The following GLCCI1 variants were observed in gnomAD, a reference collection of about 807,000 sequenced individuals.
GLCCI1 encodes the protein glucocorticoid induced 1.
In GLCCI1, 24 loss-of-function variants were observed where a neutral mutation model predicts 52.2. The ratio of observed to expected loss-of-function variants is 0.46; its 90% confidence interval spans 0.33 to 0.65. The LOEUF (loss-of-function observed/expected upper bound fraction) is 0.65, where lower values mean the gene tolerates loss of function less well. Among genes scored for constraint, GLCCI1 ranks in the 30% least tolerant of loss-of-function variants. The pLI is 0.02. For synonymous variants in GLCCI1, 310 were observed against 276.5 expected (o/e 1.12, Z -1.20); for missense variants, 704 against 701.5 (o/e 1.00, Z -0.04).
At chr7:7,983,256 TAGGG>T (rs1489446586) in intron 1 of GLCCI1, among the ~76,000 whole-genome samples, 2 of 152,060 alleles carry the variant, frequency 1.3e-5, no homozygotes, top group Non-Finnish European at 2.9e-5. Flanking sequence ...TTTTAGGAAA[TAGGG>T]AGGTATAGGA....
intron 1 of GLCCI1, among the ~76,000 whole-genome samples, chr7:7,972,323 ATGTGTGTG>A (rs140431128): frequency 2.0e-5 from 3 of 149,782 alleles, no homozygotes; most frequent in Admixed American, 6.7e-5. Context: ...ACTTCAGTGT[ATGTGTGTG>A]TGTGTGTGTG....
intron 6 of GLCCI1, among the ~76,000 whole-genome samples, chr7:8,076,019 TGACCCTAGGCA>T (rs1782869522): frequency 6.6e-6 from 1 of 152,250 alleles, no homozygotes; most frequent in Admixed American, 6.5e-5. Flanking sequence ...GGTCTAGGGT[TGACCCTAGGCA>T]GACTTTTGAA....
At chr7:8,055,011 C>T (rs536667219) in intron 3 of GLCCI1, among the ~76,000 whole-genome samples, 1 of 152,154 alleles carries the variant, frequency 6.6e-6, no homozygotes, top group African/African-American at 2.4e-5. Flanking sequence ...ATTGGTAAAC[C>T]AGATCCATTT....
At chr7:8,056,399 A>G (rs1351879231) in intron 4 of GLCCI1, among the ~76,000 whole-genome samples, 2 of 152,200 alleles carry the variant, frequency 1.3e-5, no homozygotes, top group South Asian at 2.1e-4. Flanking sequence ...TTATTGAGCA[A>G]CTATGCACAT....
rs114720416 is a variant in GLCCI1 at position 8,059,281 on chromosome 7, C to T, written c.814-815C>T. 8.5e-3 allele frequency among the ~76,000 whole-genome samples: 1,296 copies of T among 152,232 alleles called. 20 individuals are homozygous for T. Among genetic ancestry groups the T allele is most frequent in the African/African-American group, 0.029 (1,208 of 41,536 alleles). ...AAAGACACTGATGAGCAGCAACTCA[C>T]AGTTGGCAAGAATACACCATTGTAT... On this transcript the variant is annotated intron_variant, in intron 4 of 7. Transcript: ENST00000223145.
chr7:8,051,221 G>A (rs560471523), intron 3 of GLCCI1, among the ~76,000 whole-genome samples: 2 of 152,302 alleles, frequency 1.3e-5, no homozygotes, highest in South Asian at 4.1e-4. Context: ...GTGTTCTAAT[G>A]TCCGTTGTTA....
intron 6 of GLCCI1, among the ~76,000 whole-genome samples, chr7:8,072,044 G>A (rs1782774039): frequency 6.6e-6 from 1 of 152,104 alleles, no homozygotes; most frequent in African/African-American, 2.4e-5. Context: ...TTACATATGT[G>A]TGTGCTCCTG....
chr7:8,048,878 T>A (rs1274410703), intron 3 of GLCCI1, among the ~76,000 whole-genome samples: 1 of 152,210 alleles, frequency 6.6e-6, no homozygotes, highest in Non-Finnish European at 1.5e-5. Flanking sequence ...AGAGGAACAC[T>A]GAGCTTGGGT....
chr7:8,015,013 C>G (rs1403027138), intron 2 of GLCCI1, among the ~76,000 whole-genome samples: 1 of 152,170 alleles, frequency 6.6e-6, no homozygotes, highest in Non-Finnish European at 1.5e-5. Flanking sequence ...GATCCTGCCT[C>G]TATGTCAGCA....
chr7:7,976,860 T>C (rs1024259932), intron 1 of GLCCI1, among the ~76,000 whole-genome samples: 1 of 151,098 alleles, frequency 6.6e-6, no homozygotes, highest in African/African-American at 2.4e-5. Flanking sequence ...CGGCAGAGGT[T>C]ACAGTGAGCT....
At chr7:8,065,123 C>T (rs1050468622) in intron 5 of GLCCI1, among the ~76,000 whole-genome samples, 2 of 152,144 alleles carry the variant, frequency 1.3e-5, no homozygotes, top group African/African-American at 4.8e-5. Flanking sequence ...TTGTAATTCT[C>T]ATTCTAGAGA....
chr7:8,040,489 CA>C (rs201887035), intron 3 of GLCCI1, among the ~76,000 whole-genome samples: 5 of 145,500 alleles, frequency 3.4e-5, no homozygotes, highest in African/African-American at 1.0e-4. Context: ...GACCCTGACT[CA>C]AAAAAAAACT....
intron 4 of GLCCI1, among the ~76,000 whole-genome samples, chr7:8,058,154 C>G (rs1404343143): frequency 6.6e-6 from 1 of 151,992 alleles, no homozygotes; most frequent in East Asian, 1.9e-4. Context: ...TCAGTTTCCT[C>G]TTATATTAGT....
At chr7:8,003,765 C>T (rs1054426107) in intron 1 of GLCCI1, 143 bp from the exon 2 acceptor site, 8 of 628,162 alleles carry the variant, frequency 1.3e-5, no homozygotes, top group Non-Finnish European at 2.1e-5. Flanking sequence ...TACATTTCAT[C>T]TGATCATACA....
chr7:8,044,185 T>G (rs1782068625), intron 3 of GLCCI1, among the ~76,000 whole-genome samples: 1 of 151,994 alleles, frequency 6.6e-6, no homozygotes, highest in South Asian at 2.1e-4. Flanking sequence ...GACCTCGCGA[T>G]CCACCTGCGT....
At chr7:8,009,507 GGCACATGATAGGATTCTACTTCTCT>G (rs1391678248) in intron 2 of GLCCI1, among the ~76,000 whole-genome samples, 1 of 152,106 alleles carries the variant, frequency 6.6e-6, no homozygotes, top group African/African-American at 2.4e-5. Flanking sequence ...CTCTCTCCTG[GGCACATGATAGGATTCTACTTCTCT>G]GCCCACTTGA....
At chr7:8,080,651 T>C (rs779923311) in intron 6 of GLCCI1, among the ~76,000 whole-genome samples, 2 of 151,304 alleles carry the variant, frequency 1.3e-5, no homozygotes, top group Non-Finnish European at 2.9e-5. Flanking sequence ...CACAAATCTA[T>C]TGAAAACATT....
At chr7:8,082,554 A>G (rs903338191) in intron 6 of GLCCI1, among the ~76,000 whole-genome samples, 1 of 152,152 alleles carries the variant, frequency 6.6e-6, no homozygotes, top group African/African-American at 2.4e-5. Flanking sequence ...TTTTTTTCTT[A>G]CAAGCTTTGC....
chr7:8,044,980 G>T (rs548166140), intron 3 of GLCCI1, among the ~76,000 whole-genome samples: 157 of 152,232 alleles, frequency 1.0e-3, no homozygotes, highest in African/African-American at 3.7e-3. Context: ...TAAAGGAAAT[G>T]ATGTATAATG....
Sources: gnomAD v4.1 joint callset for allele counts (sites outside exome capture counted in the v4.1 genomes callset) on GRCh38, gnomAD v4.1.1 for gene constraint, MANE v1.5 for transcripts, NCBI Gene and HGNC (gene_info 2026-07-23, HGNC 2026-07-21) for gene names.